APOL3: variants seen among roughly 807,000 people sequenced by gnomAD.
APOL3 encodes the protein apolipoprotein L3, also known as TNF-inducible protein CG12-1.
APOL3 carries 14 observed loss-of-function variants against 11.6 expected under a neutral mutation model. That is an observed-to-expected ratio of 1.21 (90% CI 0.80 to 1.89). APOL3 has a LOEUF of 1.89. APOL3 is among the 40% of genes most tolerant of loss of function. The probability of loss-of-function intolerance (pLI) is 0.00; values close to 1 mark genes in which losing one functional copy is unlikely to be tolerated. For missense variants in APOL3, 483 were observed against 492.1 expected (o/e 0.98, Z 0.17); for synonymous variants, 192 against 190.6 (o/e 1.01, Z -0.06).
chr22:36,148,285 C>G (rs1194805131), intron 1 of APOL3, among the ~76,000 whole-genome samples: 2 of 152,200 alleles, frequency 1.3e-5, no homozygotes, highest in African/African-American at 4.8e-5. Flanking sequence ...TGTGATGGGC[C>G]GTGCAGGGCA....
chr22:36,147,157 T>C (rs1433000321), intron 1 of APOL3, among the ~76,000 whole-genome samples: 1 of 152,186 alleles, frequency 6.6e-6, no homozygotes, highest in Non-Finnish European at 1.5e-5. Flanking sequence ...AGTATACCTG[T>C]GGGATTTTAA....
At chr22:36,149,343 C>A (rs1180562006) in intron 1 of APOL3, 9 of 1,306,324 alleles carry the variant, frequency 6.9e-6, no homozygotes, top group Non-Finnish European at 9.1e-6. Flanking sequence ...TCTGCCCTCA[C>A]TCTCACACCA....
chr22:36,153,928 C>T (rs1421418740), intron 1 of APOL3, among the ~76,000 whole-genome samples: 1 of 152,140 alleles, frequency 6.6e-6, no homozygotes, highest in East Asian at 1.9e-4. Context: ...TGGGCGTTTC[C>T]AGGCTACAGG....
chr22:36,145,346 A>AG, intron 2 of APOL3, 127 bp downstream of exon 3: 1 of 1,217,106 alleles, frequency 8.2e-7, no homozygotes, highest in Non-Finnish European at 1.2e-6. Context: ...GACTGCTGAG[A>AG]GGGACATTCT....
At chr22:36,165,779 C>T (rs2013844880), upstream of APOL3, 1 of 152,192 alleles carries the variant, frequency 6.6e-6, no homozygotes, top group South Asian at 2.1e-4. Context: ...CCAATTATTA[C>T]CACTGCCTCT....
At chr22:36,147,554 G>A (rs1051385847) in intron 1 of APOL3, among the ~76,000 whole-genome samples, 1 of 152,196 alleles carries the variant, frequency 6.6e-6, no homozygotes, top group Admixed American at 6.5e-5. Flanking sequence ...ACAGGACTCA[G>A]CAGAGCCCAG....
upstream of APOL3, among the ~76,000 whole-genome samples, chr22:36,161,771 A>T (rs1281514384): frequency 1.1e-5 from 1 of 88,214 alleles, no homozygotes; most frequent in Non-Finnish European, 2.9e-5. Flanking sequence ...AGAAGGGGTC[A>T]GGGGGTTCCT....
exon 3 of APOL3, chr22:36,141,387 C>G (rs2059980013): frequency 6.2e-7 from 1 of 1,614,208 alleles, no homozygotes; most frequent in Admixed American, 1.7e-5. Flanking sequence ...AGTGGTCGCA[C>G]TCAGGATCCG....
At chr22:36,152,172 A>C (rs1361757524) in intron 1 of APOL3, among the ~76,000 whole-genome samples, 1 of 152,164 alleles carries the variant, frequency 6.6e-6, no homozygotes, top group African/African-American at 2.4e-5. Context: ...CTGTAGGGAA[A>C]GGGGACTCGA....
At chr22:36,150,574 A>C (rs1423849213) in intron 1 of APOL3, among the ~76,000 whole-genome samples, 2 of 152,226 alleles carry the variant, frequency 1.3e-5, no homozygotes, top group Non-Finnish European at 2.9e-5. Flanking sequence ...CTCTGCTGCC[A>C]ATGAAAATGT....
chr22:36,160,544 C>T (rs1160644500), intron 1 of APOL3, 125 bp downstream of exon 1: 16 of 990,900 alleles, frequency 1.6e-5, no homozygotes, highest in South Asian at 6.0e-5. Context: ...TGCCATGGAC[C>T]GAGATGTGAC....
At chr22:36,141,899 A>G in exon 3 of APOL3, 1 of 1,614,230 alleles carries the variant, frequency 6.2e-7, no homozygotes, top group East Asian at 2.2e-5. Flanking sequence ...CAAGGGCACG[A>G]AGCTTTTCTA....
chr22:36,144,027 C>T (rs944508062), intron 2 of APOL3, among the ~76,000 whole-genome samples: 5 of 152,176 alleles, frequency 3.3e-5, no homozygotes, highest in Admixed American at 2.0e-4. Flanking sequence ...GAAACACTTC[C>T]TCTACTCTAT....
chr22:36,159,438 A>G (rs1293762882), intron 1 of APOL3: 1 of 152,226 alleles, frequency 6.6e-6, no homozygotes, highest in Non-Finnish European at 1.5e-5. Flanking sequence ...GAAGCAAGAA[A>G]GTATAATGTT....
chr22:36,156,982 T>C, intron 1 of APOL3: 1 of 456,222 alleles, frequency 2.2e-6, no homozygotes, highest in Non-Finnish European at 4.4e-6. Context: ...TTGAATGTTT[T>C]TCCTTGCTAT....
intron 2 of APOL3, among the ~76,000 whole-genome samples, chr22:36,143,715 A>T (rs993483944): frequency 6.6e-6 from 1 of 152,168 alleles, no homozygotes; most frequent in Non-Finnish European, 1.5e-5. Flanking sequence ...CGGCCTCCTG[A>T]CCTGGCACCT....
At chr22:36,145,412 C>T in intron 2 of APOL3, 61 bp downstream of exon 3, 5 of 1,592,026 alleles carry the variant, frequency 3.1e-6, no homozygotes, top group Non-Finnish European at 4.3e-6. Context: ...GAAAACTAGC[C>T]CAGGGGAGAT....
At position 36,142,788 on chromosome 22, in the gene APOL3, C is replaced by T. The variant is rs189974056; in HGVS notation, c.351-730G>A. On this transcript the variant is annotated intron_variant, in intron 2 of 2. Transcript: ENST00000349314. ...GAGAAAGACTTTCTCCTTGGCCAAA[C>T]TCCAGTCAGGCTGCTCTGAGCCTTT... 3.3e-5 allele frequency among the ~76,000 whole-genome samples: 5 copies of T among 152,314 alleles called. No homozygotes were observed. In the East Asian group the frequency reaches 9.6e-4, roughly 29 times the overall value.
chr22:36,148,433 C>T (rs2146800221), intron 1 of APOL3, among the ~76,000 whole-genome samples: 2 of 152,348 alleles, frequency 1.3e-5, no homozygotes, highest in Middle Eastern at 3.4e-3. Context: ...ATTTGATCCT[C>T]ATGACCACAT....
Sources: gnomAD v4.1 joint callset for allele counts (sites outside exome capture counted in the v4.1 genomes callset) on GRCh38, gnomAD v4.1.1 for gene constraint, MANE v1.5 for transcripts, NCBI Gene and HGNC (gene_info 2026-07-23, HGNC 2026-07-21) for gene names.